TNIP3: variants seen among roughly 807,000 people sequenced by gnomAD.
TNIP3 encodes TNFAIP3-interacting protein 3.
In TNIP3, 34 loss-of-function variants were observed where a neutral mutation model predicts 54.1. The observed-to-expected ratio is 0.63, with a 90% CI of 0.48 to 0.84. TNIP3 has a LOEUF of 0.84. Ranked by LOEUF, TNIP3 falls within the 40% of genes least tolerant of loss-of-function variation. The pLI, the probability that TNIP3 is intolerant of heterozygous loss-of-function variation, is 0.00. For synonymous variants in TNIP3, 134 were observed against 136.8 expected, an observed-to-expected ratio of 0.98 and a Z score of 0.14; for missense variants, 366 against 387.6, an observed-to-expected ratio of 0.94 and a Z score of 0.47.
At position 121,149,982 on chromosome 4, in the gene TNIP3, TTAAAA is replaced by T. The variant is rs1729647855; in HGVS notation, c.609+116_609+120del. 12 of 655,170 alleles carry T rather than the reference TTAAAA, an allele frequency of 1.8e-5. No individual in the cohort carries two copies. In the South Asian group the frequency reaches 2.4e-4, roughly 13 times the overall value. The allele number at this position is 655,170 out of a possible 1,614,324, so 40.6% of individuals were successfully genotyped here. A position where few individuals can be genotyped will look rare whatever the true frequency, so the allele number is the denominator to read the frequency against. ...AAGCTTGAAAATTAGATAATTCTAC[TTAAAA>T]TAAATGCAAAAACCTTTGACATATT... On this transcript the variant is annotated intron_variant, in intron 6 of 10. Coordinates refer to ENST00000057513, the MANE Select transcript of TNIP3 (RefSeq NM_024873.6).
In TNIP3 at chr4:121,137,860, A is replaced by G. The variant is rs748739441; in HGVS notation, c.946+764T>C. Reference sequence around the variant, plus strand: ...AGTTAGAGTCCCAGGTGTGTGTCATATGAGACTTTAAACATGTAGCAGACA... The same window carrying G: ...AGTTAGAGTCCCAGGTGTGTGTCATGTGAGACTTTAAACATGTAGCAGACA... On this transcript the variant is annotated intron_variant, in intron 10 of 10. Transcript: ENST00000057513. 7 of 445,520 alleles carry G rather than the reference A, an allele frequency of 1.6e-5. 1 individual carries two copies. The highest frequency in any genetic ancestry group is 1.1e-4 in the South Asian group (7 of 62,668). 27.6% of individuals were successfully genotyped at this position (445,520 alleles called of 1,614,324 possible). A position where few individuals can be genotyped will look rare whatever the true frequency, so the allele number is the denominator to read the frequency against.
chr4:121,135,134 G>A (rs183761553), intron 10 of TNIP3, among the ~76,000 whole-genome samples: 1 of 152,288 alleles, frequency 6.6e-6, no homozygotes, highest in Non-Finnish European at 1.5e-5. Flanking sequence ...ACCATGTCCT[G>A]TCACAGACTG....
At chr4:121,152,099 C>T (rs936598756) in intron 5 of TNIP3, among the ~76,000 whole-genome samples, 2 of 152,102 alleles carry the variant, frequency 1.3e-5, no homozygotes, top group African/African-American at 2.4e-5. Flanking sequence ...CTTCTAAAAA[C>T]AGTATGTTAA....
intron 2 of TNIP3, among the ~76,000 whole-genome samples, chr4:121,212,585 A>G (rs1726531302): frequency 6.6e-6 from 1 of 152,218 alleles, no homozygotes; most frequent in Non-Finnish European, 1.5e-5. Context: ...TTTGCCTGTC[A>G]TTAAAAATAC....
At chr4:121,196,695 C>T (rs2148836605) in intron 2 of TNIP3, among the ~76,000 whole-genome samples, 1 of 151,050 alleles carries the variant, frequency 6.6e-6, no homozygotes, top group Admixed American at 6.6e-5. Context: ...TCAACAAATG[C>T]TGAATAAATA....
intron 2 of TNIP3, among the ~76,000 whole-genome samples, chr4:121,214,968 ATAAAG>A (rs1274443609): frequency 1.3e-5 from 2 of 152,232 alleles, no homozygotes; most frequent in East Asian, 1.9e-4. Context: ...TTCTAGAATA[ATAAAG>A]TATAGTGCAC....
chr4:121,172,192 G>C (rs905318650), intron 3 of TNIP3, among the ~76,000 whole-genome samples: 9 of 152,236 alleles, frequency 5.9e-5, no homozygotes, highest in Non-Finnish European at 1.3e-4. Flanking sequence ...ACACGGCTGT[G>C]ACATGCATGG....
intron 3 of TNIP3, among the ~76,000 whole-genome samples, chr4:121,182,194 C>T (rs886092778): frequency 2.6e-5 from 4 of 152,106 alleles, no homozygotes; most frequent in South Asian, 4.2e-4. Flanking sequence ...TTATATAAAG[C>T]ACCATAGACA....
rs1729660610 is a variant in TNIP3, at chr4:121,150,170, A to C, written c.542T>G (p.Leu181Trp). 6.2e-7 allele frequency: 1 copy of C among 1,613,802 alleles called. No individual in the cohort carries two copies. The highest frequency in any genetic ancestry group is 8.5e-7 in the Non-Finnish European group (1 of 1,179,904). ...GCAGAATTCCACTCGAGACTTCCTCAAACAGTCCTCGGAAAATGAACACTT... is the reference window on the plus strand; with the variant it reads ...GCAGAATTCCACTCGAGACTTCCTCCAACAGTCCTCGGAAAATGAACACTT... ...NIKCSFSEDC[L>W]RKSRVEFCHE... is the part of the protein sequence containing the mutation. Residue 181 changes from leucine (L) to tryptophan (W), a missense_variant, in exon 6 of 11, where the codon TTG becomes TGG. Transcript: ENST00000057513.
intron 10 of TNIP3, chr4:121,137,903 T>A (rs1048344786): frequency 2.2e-6 from 1 of 455,424 alleles, no homozygotes; most frequent in South Asian, 1.6e-5. Flanking sequence ...CTTTTGATTA[T>A]GTATACTTGA....
chr4:121,176,514 TATGATGATG>T (rs70948383), intron 3 of TNIP3, among the ~76,000 whole-genome samples: 48 of 147,284 alleles, frequency 3.3e-4, no homozygotes, highest in South Asian at 4.4e-4. Context: ...CTACTAGCAT[TATGATGATG>T]ATGATGATGA....
chr4:121,160,636 A>G (rs1011130996), intron 2 of TNIP3, among the ~76,000 whole-genome samples: 5 of 152,224 alleles, frequency 3.3e-5, no homozygotes, highest in Admixed American at 1.3e-4. Flanking sequence ...TCCCAGGAAC[A>G]TTTTAGAAAC....
At chr4:121,185,528 C>T (rs1724968904) in intron 2 of TNIP3, among the ~76,000 whole-genome samples, 1 of 152,178 alleles carries the variant, frequency 6.6e-6, no homozygotes, top group South Asian at 2.1e-4. Context: ...AGGCCTTTGT[C>T]TGTGTTTATT....
At chr4:121,176,580 A>G (rs749329589) in intron 3 of TNIP3, among the ~76,000 whole-genome samples, 38 of 152,038 alleles carry the variant, frequency 2.5e-4, no homozygotes, top group Admixed American at 5.2e-4. Flanking sequence ...TTAGCACTTT[A>G]TATTTACAGG....
At chr4:121,207,624 G>A (rs1043863225) in intron 2 of TNIP3, among the ~76,000 whole-genome samples, 5 of 152,146 alleles carry the variant, frequency 3.3e-5, no homozygotes, top group African/African-American at 1.2e-4. Flanking sequence ...ACAGAGGAGA[G>A]CAATGTAGAC....
At chr4:121,219,564 G>A (rs1242848552), upstream of TNIP3, among the ~76,000 whole-genome samples, 1 of 152,176 alleles carries the variant, frequency 6.6e-6, no homozygotes, top group African/African-American at 2.4e-5. Flanking sequence ...AGTTTTATGA[G>A]CTTTTGGACA....
chr4:121,178,876 G>T (rs1457446992), intron 3 of TNIP3, among the ~76,000 whole-genome samples: 1 of 152,030 alleles, frequency 6.6e-6, no homozygotes, highest in Admixed American at 6.6e-5. Flanking sequence ...AGAAATCCAT[G>T]AGTCTCTCAT....
chr4:121,194,855 A>AG (rs933724935), intron 2 of TNIP3, among the ~76,000 whole-genome samples: 24 of 130,260 alleles, frequency 1.8e-4, no homozygotes, highest in African/African-American at 8.8e-4. Flanking sequence ...AATAGAAAAA[A>AG]AAAAGTACAC....
chr4:121,223,017 G>A (rs1727103904), intron 1 of TNIP3, among the ~76,000 whole-genome samples: 1 of 152,174 alleles, frequency 6.6e-6, no homozygotes, highest in African/African-American at 2.4e-5. Context: ...GTGTTAGCCA[G>A]GATGGTCTCG....
Sources: gnomAD v4.1 joint callset for allele counts (sites outside exome capture counted in the v4.1 genomes callset) on GRCh38, gnomAD v4.1.1 for gene constraint, MANE v1.5 for transcripts, NCBI Gene and HGNC (gene_info 2026-07-23, HGNC 2026-07-21) for gene names.